SMYD3: variants seen among roughly 807,000 people sequenced by gnomAD.
SMYD3 encodes histone-lysine N-methyltransferase SMYD3.
Under a neutral mutation model 57.7 loss-of-function variants are expected in SMYD3, and 36 were observed. The ratio of observed to expected loss-of-function variants is 0.62; its 90% CI spans 0.48 to 0.82. The LOEUF is 0.82. Among genes scored for constraint, SMYD3 ranks in the 40% least tolerant of loss-of-function variants. The pLI is 0.00. For missense variants in SMYD3, 515 were observed against 538.8 expected (o/e 0.96, Z 0.44); for synonymous variants, 211 against 195.0 (o/e 1.08, Z -0.68).
chr1:246,134,444 C>T (rs2061636448), intron 5 of SMYD3, among the ~76,000 whole-genome samples: 1 of 151,902 alleles, frequency 6.6e-6, no homozygotes, highest in Non-Finnish European at 1.5e-5. Flanking sequence ...AAATTTTATA[C>T]ACTAAATTTA....
intron 5 of SMYD3, among the ~76,000 whole-genome samples, chr1:246,015,109 C>A (rs541567304): frequency 4.0e-4 from 61 of 152,242 alleles, no homozygotes; most frequent in Admixed American, 1.2e-3. Context: ...TTAAAATCAT[C>A]CACACTTCCC....
intron 1 of SMYD3, among the ~76,000 whole-genome samples, chr1:246,438,000 T>G (rs1047972050): frequency 6.6e-6 from 1 of 152,184 alleles, no homozygotes; most frequent in African/African-American, 2.4e-5. Flanking sequence ...TTACAAAATA[T>G]TTTCTCAAAT....
At chr1:246,135,446 T>TG (rs1039025173) in intron 5 of SMYD3, among the ~76,000 whole-genome samples, 31 of 152,250 alleles carry the variant, frequency 2.0e-4, no homozygotes, top group African/African-American at 7.2e-4. Context: ...CTTAGGGACA[T>TG]GCGTCAAATT....
intron 7 of SMYD3, among the ~76,000 whole-genome samples, chr1:245,917,351 C>T (rs1329462529): frequency 6.6e-6 from 1 of 152,168 alleles, no homozygotes; most frequent in East Asian, 1.9e-4. Flanking sequence ...AATTTATTTT[C>T]ACTAGATTTT....
At chr1:246,435,844 T>C (rs911943747) in intron 1 of SMYD3, among the ~76,000 whole-genome samples, 2 of 151,142 alleles carry the variant, frequency 1.3e-5, no homozygotes, top group Admixed American at 1.3e-4. Context: ...ACACGCTAAA[T>C]GAAGCTACAT....
chr1:246,088,645 T>A (rs917954829), intron 5 of SMYD3, among the ~76,000 whole-genome samples: 1 of 152,196 alleles, frequency 6.6e-6, no homozygotes, highest in South Asian at 2.1e-4. Context: ...TGAGGGAAAT[T>A]CCATGAAGTA....
At chr1:246,006,455 C>T (rs1221034760) in intron 5 of SMYD3, among the ~76,000 whole-genome samples, 5 of 152,148 alleles carry the variant, frequency 3.3e-5, no homozygotes, top group Non-Finnish European at 7.3e-5. Context: ...GACGGAACTC[C>T]TGGGTGATAA....
chr1:245,809,387 C>A (rs550505495), intron 10 of SMYD3, among the ~76,000 whole-genome samples: 1 of 152,116 alleles, frequency 6.6e-6, no homozygotes, highest in African/African-American at 2.4e-5. Context: ...CCTCAGGGAC[C>A]AATAGCACCC....
chr1:246,186,867 A>G, intron 5 of SMYD3: 1 of 985,444 alleles, frequency 1.0e-6, no homozygotes, highest in Non-Finnish European at 1.2e-6. Flanking sequence ...AGGCACAGTT[A>G]CCTCGCAGGA....
intron 5 of SMYD3, among the ~76,000 whole-genome samples, chr1:246,133,660 G>A (rs999290576): frequency 2.6e-5 from 4 of 152,048 alleles, no homozygotes; most frequent in African/African-American, 9.7e-5. Context: ...CTTTATTAAA[G>A]TGCATCAGGA....
intron 5 of SMYD3, among the ~76,000 whole-genome samples, chr1:246,093,654 T>A (rs559158076): frequency 6.6e-6 from 1 of 152,178 alleles, no homozygotes; most frequent in Admixed American, 6.5e-5. Context: ...TACAAAAATA[T>A]AATTATTACG....
At chr1:246,457,759 A>G (rs1406442932) in intron 1 of SMYD3, among the ~76,000 whole-genome samples, 1 of 152,130 alleles carries the variant, frequency 6.6e-6, no homozygotes, top group Non-Finnish European at 1.5e-5. Flanking sequence ...GAAGTACCCA[A>G]TCCACTGCCT....
intron 5 of SMYD3, among the ~76,000 whole-genome samples, chr1:246,036,576 CG>C (rs1381026137): frequency 1.4e-5 from 2 of 144,862 alleles, no homozygotes; most frequent in Non-Finnish European, 3.0e-5. Context: ...TTTTTTGAGA[CG>C]GAGTCTCGCT....
intron 5 of SMYD3, among the ~76,000 whole-genome samples, chr1:246,301,524 C>T (rs2064891201): frequency 6.6e-6 from 1 of 152,128 alleles, no homozygotes. Context: ...ATTCACCTAG[C>T]AAGTCTGAAG....
chr1:246,458,665 A>C (rs2067744693), intron 1 of SMYD3, among the ~76,000 whole-genome samples: 1 of 99,702 alleles, frequency 1.0e-5, no homozygotes, highest in African/African-American at 4.2e-5. Flanking sequence ...ACGGGGTTTC[A>C]TTATGTTAGC....
At position 246,280,838 on chromosome 1, in the gene SMYD3, C is replaced by T. The variant is rs146614260; in HGVS notation, c.531+46363G>A. Among the ~76,000 whole-genome samples the T allele has an allele frequency of 2.6e-5, 4 of 152,300 alleles. No individual in the cohort carries two copies. In the East Asian group the frequency reaches 7.7e-4, roughly 29 times the overall value. ...GAGCTAACTGCATTCTATAGTTCAA[C>T]CTATATTTGATCAGGCTGCCACCTC... On this transcript the variant is annotated intron_variant, in intron 5 of 11. Transcript: ENST00000490107.
intron 7 of SMYD3, among the ~76,000 whole-genome samples, chr1:245,916,430 C>CA (rs1296557600): frequency 1.3e-5 from 2 of 152,172 alleles, no homozygotes; most frequent in Non-Finnish European, 2.9e-5. Context: ...AAGTCTAATT[C>CA]AAAATCCAGA....
chr1:245,964,613 G>A (rs944590945), intron 5 of SMYD3, among the ~76,000 whole-genome samples: 2 of 152,172 alleles, frequency 1.3e-5, no homozygotes, highest in Non-Finnish European at 2.9e-5. Flanking sequence ...GAACAGATAA[G>A]TATAAGCAGA....
intron 10 of SMYD3, among the ~76,000 whole-genome samples, chr1:245,824,355 G>T (rs2049350459): frequency 6.6e-6 from 1 of 152,214 alleles, no homozygotes; most frequent in African/African-American, 2.4e-5. Flanking sequence ...ATCGATGATT[G>T]GATGAAACGA....
Sources: allele counts gnomAD v4.1 joint callset (sites outside exome capture counted in the v4.1 genomes callset), GRCh38; gene constraint gnomAD v4.1.1; transcripts MANE v1.5; gene names NCBI Gene and HGNC (gene_info 2026-07-23, HGNC 2026-07-21).